TCF20: variants seen among roughly 807,000 people sequenced by gnomAD.
TCF20 encodes transcription factor 20.
A neutral mutation model predicts 148.6 loss-of-function variants in TCF20; 3 were observed. That is an observed-to-expected ratio of 0.02 (90% CI 0.01 to 0.05). The LOEUF is 0.05. Ranked by LOEUF, TCF20 falls within the 10% of genes least tolerant of loss-of-function variation. The pLI, the probability that TCF20 is intolerant of heterozygous loss-of-function variation, is 1.00. For missense variants in TCF20, 2,350 were observed against 2,429.3 expected (o/e 0.97, Z 0.69); for synonymous variants, 1,049 against 909.5 (o/e 1.15, Z -2.76).
intron 1 of TCF20, among the ~76,000 whole-genome samples, chr22:42,323,621 T>G (rs574310913): frequency 1.3e-5 from 2 of 151,352 alleles, no homozygotes; most frequent in Admixed American, 6.6e-5. Flanking sequence ...GAAGTGCACA[T>G]AGGAGGGAGG....
rs779198414 is a variant in TCF20 at position 42,213,722 on chromosome 22, C to T, written c.1584G>A (p.Glu528=). 6.2e-7 allele frequency: 1 copy of T among 1,614,072 alleles called. No individual in the cohort carries two copies. The highest frequency in any genetic ancestry group is 8.5e-7 in the Non-Finnish European group (1 of 1,179,960). ...SLDGGCSSSS[E]DQGERVRQLS... ...GTTGCCGCACTCTCTCGCCTTGATC[C>T]TCTGAACTGCTGGAGCAGCCTCCAT... Residue 528 remains glutamate (E), a synonymous_variant, in exon 2 of 6, where the codon GAG becomes GAA. Coordinates refer to ENST00000677622, the MANE Select transcript of TCF20 (RefSeq NM_001378418.1).
intron 2 of TCF20, among the ~76,000 whole-genome samples, chr22:42,199,700 T>C (rs1461782315): frequency 2.7e-5 from 2 of 73,458 alleles, no homozygotes; most frequent in Non-Finnish European, 4.7e-5. Flanking sequence ...CAAAACCCCA[T>C]CTCTACAAAA....
At chr22:42,180,866 C>T (rs2147097946) in intron 2 of TCF20, among the ~76,000 whole-genome samples, 2 of 152,326 alleles carry the variant, frequency 1.3e-5, no homozygotes, top group Middle Eastern at 3.4e-3. Context: ...TCTCTGGCAT[C>T]CTCCAGAGAC....
chr22:42,266,606 CA>C (rs1926300467), intron 1 of TCF20, among the ~76,000 whole-genome samples: 1 of 151,906 alleles, frequency 6.6e-6, no homozygotes, highest in African/African-American at 2.4e-5. Flanking sequence ...GGCGAATCCC[CA>C]TCTCTACTAA....
chr22:42,243,310 A>AAAAAAAAAAAAAAACAAAAAAC (rs1569180401), intron 1 of TCF20, among the ~76,000 whole-genome samples: 1 of 140,864 alleles, frequency 7.1e-6, no homozygotes, highest in African/African-American at 3.0e-5. Flanking sequence ...AAAAAAAAAA[A>AAAAAAAAAAAAAAACAAAAAAC]AAAAAAAAAA....
chr22:42,234,187 T>C (rs988593896), intron 1 of TCF20, among the ~76,000 whole-genome samples: 2 of 152,250 alleles, frequency 1.3e-5, no homozygotes, highest in Non-Finnish European at 2.9e-5. Context: ...ACAAAAGTGC[T>C]GGCTAACAAC....
chr22:42,303,758 A>G (rs1409944822), intron 1 of TCF20, among the ~76,000 whole-genome samples: 23 of 151,908 alleles, frequency 1.5e-4, no homozygotes, highest in Admixed American at 1.5e-3. Context: ...GAAAACGCTC[A>G]GGCCAAAGGG....
At chr22:42,199,679 G>A (rs1937852983) in intron 2 of TCF20, among the ~76,000 whole-genome samples, 1 of 125,216 alleles carries the variant, frequency 8.0e-6, no homozygotes, top group Non-Finnish European at 1.6e-5. Flanking sequence ...AGACCAGACT[G>A]GCTAACATGG....
intron 2 of TCF20, among the ~76,000 whole-genome samples, chr22:42,189,424 A>G (rs1445686092): frequency 6.6e-6 from 1 of 152,156 alleles, no homozygotes; most frequent in Non-Finnish European, 1.5e-5. Flanking sequence ...TACAGAAGAG[A>G]ATGTTTTGGA....
Position 42,213,498 on chromosome 22 carries a change from G to C in TCF20, c.1808C>G (p.Thr603Ser), listed in dbSNP as rs1042203014. The change falls in exon 2 of 6, where the codon ACT (threonine) becomes AGT (serine). Residue 603 changes from threonine to serine, a missense_variant. By Grantham distance (58) the Thr-to-Ser change is moderately conservative. Coordinates refer to ENST00000677622, the MANE Select transcript of TCF20 (RefSeq NM_001378418.1). Reference protein sequence around the residue: ...SDGNPKVNEKTVGVIVSREAM... With the variant: ...SDGNPKVNEKSVGVIVSREAM... ...TTCCCGGGAGACAATCACCCCAACA[G>C]TCTTCTCATTAACCTTTGGGTTCCC... The C allele has an allele frequency of 6.2e-7, 1 of 1,614,224 alleles. No individual in the cohort carries two copies.
intron 2 of TCF20, 62 bp downstream of exon 2, chr22:42,209,589 T>G: frequency 6.6e-7 from 1 of 1,516,688 alleles, no homozygotes; most frequent in South Asian, 1.3e-5. Flanking sequence ...AACAAAAACA[T>G]GCAAGAAAAG....
chr22:42,323,514 G>T (rs377360829), intron 1 of TCF20, among the ~76,000 whole-genome samples: 1 of 151,774 alleles, frequency 6.6e-6, no homozygotes, highest in African/African-American at 2.4e-5. Flanking sequence ...ATCCAGGGGT[G>T]GTCTCTAGGA....
intron 1 of TCF20, among the ~76,000 whole-genome samples, chr22:42,228,444 G>A (rs1468980568): frequency 6.6e-6 from 1 of 152,204 alleles, no homozygotes; most frequent in Non-Finnish European, 1.5e-5. Context: ...ATCCCAAGAG[G>A]TACAAGTGAC....
intron 1 of TCF20, among the ~76,000 whole-genome samples, chr22:42,223,889 A>G (rs768166105): frequency 6.6e-6 from 1 of 152,192 alleles, no homozygotes; most frequent in Non-Finnish European, 1.5e-5. Context: ...TATTTTTCTC[A>G]GTGGCTAAAA....
chr22:42,212,113 CATG>C lies in TCF20; in HGVS notation c.3190_3192del (p.His1064del), dbSNP rs754146362. ...CCATAAGCATGAGCCCGAGTATTTGCATGATAAGCAGAGGCCAGGGTTTCTGAG... is the reference window on the plus strand; with the variant it reads ...CCATAAGCATGAGCCCGAGTATTTGCATAAGCAGAGGCCAGGGTTTCTGAG... On this transcript the variant is annotated inframe_deletion, in exon 2 of 6. Transcript: ENST00000677622. 6 of 1,614,160 alleles carry C rather than the reference CATG, an allele frequency of 3.7e-6. No homozygotes were observed. In the South Asian group the frequency reaches 4.4e-5, roughly 12 times the overall value.
intron 1 of TCF20, among the ~76,000 whole-genome samples, chr22:42,280,644 G>A (rs754382369): frequency 1.3e-5 from 2 of 152,160 alleles, no homozygotes; most frequent in Non-Finnish European, 2.9e-5. Context: ...CCTCAGTCTT[G>A]GCTATTATTA....
intron 2 of TCF20, among the ~76,000 whole-genome samples, chr22:42,202,809 A>G (rs1432422464): frequency 6.6e-6 from 1 of 152,230 alleles, no homozygotes; most frequent in Non-Finnish European, 1.5e-5. Flanking sequence ...TTTCTGCAGA[A>G]TCACACAAAC....
chr22:42,254,000 C>T (rs527355975), intron 1 of TCF20, among the ~76,000 whole-genome samples: 421 of 146,430 alleles, frequency 2.9e-3, no homozygotes, highest in Non-Finnish European at 4.8e-3. Context: ...CGCTTGAACC[C>T]GGGAGGCGGA....
At chr22:42,287,157 C>G (rs1348270608), upstream of TCF20, among the ~76,000 whole-genome samples, 1 of 152,142 alleles carries the variant, frequency 6.6e-6, no homozygotes, top group Admixed American at 6.5e-5. Flanking sequence ...AACTCCCAGG[C>G]ACATTTGGGT....
Sources: gnomAD v4.1 joint callset for allele counts (sites outside exome capture counted in the v4.1 genomes callset) on GRCh38, gnomAD v4.1.1 for gene constraint, MANE v1.5 for transcripts, NCBI Gene and HGNC (gene_info 2026-07-23, HGNC 2026-07-21) for gene names.